Variants in RSRP1 observed in about 807,000 individuals in gnomAD.
RSRP1 encodes arginine and serine rich protein 1, also known as arginine/serine-rich protein 1.
A neutral mutation model predicts 33.0 loss-of-function variants in RSRP1; 37 were observed. That is an observed-to-expected ratio of 1.12 (90% CI 0.86 to 1.48). RSRP1 has a LOEUF of 1.48. Among genes scored for constraint, RSRP1 ranks in the 40% most tolerant of loss-of-function variants. The probability of loss-of-function intolerance (pLI) is 0.00; values close to 1 mark genes in which losing one functional copy is unlikely to be tolerated. For missense variants in RSRP1, 402 were observed against 385.3 expected (o/e 1.04, Z -0.36); for synonymous variants, 167 against 158.7 (o/e 1.05, Z -0.40).
At chr1:25,274,917 C>T (rs1640817051) in intron 1 of RSRP1, among the ~76,000 whole-genome samples, 2 of 131,526 alleles carry the variant, frequency 1.5e-5, no homozygotes, top group Admixed American at 1.5e-4. Context: ...CATTACACTC[C>T]AGCCTGGGCG....
At chr1:25,270,009 A>T (rs1180993897) in intron 1 of RSRP1, among the ~76,000 whole-genome samples, 1 of 132,336 alleles carries the variant, frequency 7.6e-6, no homozygotes, top group Non-Finnish European at 1.8e-5. Flanking sequence ...TCGGGCAGGT[A>T]GGTGCAGTTG....
chr1:25,254,539 G>A (rs947941302), intron 1 of RSRP1, among the ~76,000 whole-genome samples: 2 of 152,234 alleles, frequency 1.3e-5, no homozygotes, highest in South Asian at 2.1e-4. Flanking sequence ...CAGTTCAAGC[G>A]ATTCTCCTGC....
intron 1 of RSRP1, among the ~76,000 whole-genome samples, chr1:25,310,257 G>A (rs1325238520): frequency 1.5e-5 from 2 of 133,252 alleles, no homozygotes; most frequent in African/African-American, 5.1e-5. Context: ...ATGGTTTTTG[G>A]AGGAAGGGCC....
At chr1:25,266,691 CTT>C (rs1640321360) in intron 1 of RSRP1, 1 of 139,664 alleles carries the variant, frequency 7.2e-6, no homozygotes. Flanking sequence ...GTGCGTATCT[CTT>C]AATGACAATT....
At position 25,274,157 on chromosome 1, in the gene RSRP1, A is replaced by G. The variant is rs577615973; in HGVS notation, c.-66-27128T>C. Among the ~76,000 whole-genome samples the G allele has an allele frequency of 3.0e-5, 4 of 132,412 alleles. 1 individual carries two copies. Among genetic ancestry groups the G allele is most frequent in the Non-Finnish European group, 5.4e-5 (3 of 55,878 alleles). 86.9% of individuals were successfully genotyped at this position (132,412 alleles called of 152,430 possible). A position where few individuals can be genotyped will look rare whatever the true frequency, so the allele number is the denominator to read the frequency against. On this transcript the variant is annotated intron_variant, in intron 1 of 1. Transcript: ENST00000561867. ...TACCAGGCACTATTCTACATGCTTT[A>G]CATTGAACCCTCACAATAACCCAAT...
rs1162586751 is a variant in RSRP1 at position 25,299,153 on chromosome 1, G to C, written c.-67+38825C>G. Among the ~76,000 whole-genome samples, 2 of 127,524 alleles carry C rather than the reference G, an allele frequency of 1.6e-5. 1 individual carries two copies. Among genetic ancestry groups the C allele is most frequent in the Non-Finnish European group, 3.7e-5 (2 of 54,232 alleles). 83.7% of individuals were successfully genotyped at this position (127,524 alleles called of 152,430 possible). A position where few individuals can be genotyped will look rare whatever the true frequency, so the allele number is the denominator to read the frequency against. On this transcript the variant is annotated intron_variant, in intron 1 of 1. Coordinates refer to the RSRP1 transcript ENST00000561867. ...TCCCAGCGCTTTGGGAGGCCAAGGCGGATGGATCACTTGAGGTCAGGAGTT... is the reference window on the plus strand; with the variant it reads ...TCCCAGCGCTTTGGGAGGCCAAGGCCGATGGATCACTTGAGGTCAGGAGTT...
At chr1:25,275,439 G>A (rs1640879916) in intron 1 of RSRP1, among the ~76,000 whole-genome samples, 1 of 132,236 alleles carries the variant, frequency 7.6e-6, no homozygotes, top group South Asian at 2.3e-4. Flanking sequence ...AGCCATGCCA[G>A]GGCTGGTGTT....
intron 1 of RSRP1, among the ~76,000 whole-genome samples, chr1:25,286,790 A>AAAAAAAC (rs1642050832): frequency 7.6e-6 from 1 of 132,378 alleles, no homozygotes; most frequent in Non-Finnish European, 1.8e-5. Flanking sequence ...CGTCTCAAAA[A>AAAAAAAC]AAAAAAACAA....
rs1643755809 is a variant in RSRP1, at chr1:25,305,606, T to C, written c.-67+32372A>G. 2.4e-5 allele frequency among the ~76,000 whole-genome samples: 3 copies of C among 125,938 alleles called. 1 individual carries two copies. Among genetic ancestry groups the C allele is most frequent in the African/African-American group, 8.3e-5 (3 of 36,282 alleles). 82.6% of individuals were successfully genotyped at this position (125,938 alleles called of 152,430 possible). On this transcript the variant is annotated intron_variant, in intron 1 of 1. Transcript: ENST00000561867. ...ATTTTGTTGTTGTTGTTGTTGTTGTTGTTGTTGTTGTTGAGACGGTGTCTC... is the reference window on the plus strand; with the variant it reads ...ATTTTGTTGTTGTTGTTGTTGTTGTCGTTGTTGTTGTTGAGACGGTGTCTC...
At position 25,246,555 on chromosome 1, in the gene RSRP1, GT is replaced by G; in HGVS notation, c.408del (p.Gln137SerfsTer34). 2 of 1,614,244 alleles carry G rather than the reference GT, an allele frequency of 1.2e-6. No homozygotes were observed. The highest frequency in any genetic ancestry group is 1.7e-6 in the Non-Finnish European group (2 of 1,180,052). On this transcript the variant is annotated frameshift_variant, in exon 2 of 5. Coordinates refer to ENST00000243189, the MANE Select transcript of RSRP1 (RefSeq NM_020317.5). LOFTEE classifies it high-confidence loss of function. ...GTGCGACCAAAGCCGTAGTAGCGCT[GT>G]CCCCGCGCGATCGCGTACGCCCTTC... ...YCGRAYAIAR[G>X]QRYYGFGRTV...
At chr1:25,248,815 C>T (rs1639671496), upstream of RSRP1, among the ~76,000 whole-genome samples, 1 of 152,160 alleles carries the variant, frequency 6.6e-6, no homozygotes, top group Admixed American at 6.6e-5. Context: ...CATCAGAAAC[C>T]TTTGCCGAAA....
intron 1 of RSRP1, chr1:25,272,777 A>T: frequency 3.0e-6 from 4 of 1,336,092 alleles, no homozygotes; most frequent in East Asian, 4.5e-5. Context: ...CCAGGGGCAC[A>T]GATGTTCCTT....
chr1:25,287,478 C>T (rs964827800), intron 1 of RSRP1, among the ~76,000 whole-genome samples: 28 of 135,206 alleles, frequency 2.1e-4, no homozygotes, highest in East Asian at 5.8e-4. Flanking sequence ...GACCGGTTCC[C>T]GTCAGGGCTG....
At chr1:25,284,033 C>T (rs1206785737) in intron 1 of RSRP1, among the ~76,000 whole-genome samples, 4 of 134,962 alleles carry the variant, frequency 3.0e-5, no homozygotes, top group Admixed American at 7.1e-5. Context: ...TCGCAGCAGG[C>T]GGCAAAGGGA....
At position 25,321,497 on chromosome 1, in the gene RSRP1, C is replaced by A. The variant is rs1295908202; in HGVS notation, c.-67+16481G>T. On this transcript the variant is annotated intron_variant, in intron 1 of 1. Transcript: ENST00000561867. The stretch of plus-strand genomic sequence containing the variant: ...CCAACATGGTGAAACTCCATCTCTA[C>A]TAAAAAAAAAAAAAAAAAAAAAATT... Among the ~76,000 whole-genome samples, 10 of 94,822 alleles carry A rather than the reference C, an allele frequency of 1.1e-4. 2 individuals are homozygous for A. Among genetic ancestry groups the A allele is most frequent in the African/African-American group, 2.8e-4 (8 of 28,402 alleles). The allele number at this position is 94,822 out of a possible 152,430, so 62.2% of individuals were successfully genotyped here.
Position 25,307,129 on chromosome 1 carries a change from T to C in RSRP1, c.-67+30849A>G, listed in dbSNP as rs1194691443. 4.5e-5 allele frequency among the ~76,000 whole-genome samples: 6 copies of C among 132,348 alleles called. 2 individuals carry two copies. Among genetic ancestry groups the C allele is most frequent in the African/African-American group, 1.6e-4 (6 of 38,450 alleles). 86.8% of individuals were successfully genotyped at this position (132,348 alleles called of 152,430 possible). On this transcript the variant is annotated intron_variant, in intron 1 of 1. Transcript: ENST00000561867. ...ACCTTTCTCAGCCTCAGTCGCCCCA[T>C]TGTAAATGGAGATAATGATACTATC...
upstream of RSRP1, chr1:25,247,458 G>A (rs192152974): frequency 2.6e-5 from 4 of 154,876 alleles, no homozygotes; most frequent in African/African-American, 9.6e-5. Flanking sequence ...GCGCACTGAG[G>A]GACTACGTTA....
Position 25,242,494 on chromosome 1 carries a change from C to A in RSRP1, c.*95G>T. On this transcript the variant is annotated 3_prime_UTR_variant, in exon 5 of 5. Coordinates refer to ENST00000243189, the MANE Select transcript of RSRP1 (RefSeq NM_020317.5). ...GTGTTGGTTTTTAAATGCACAAGTA[C>A]CCCTGAATGGCTCAAAGGGATGGGA... 1 of 719,872 alleles carries A rather than the reference C, an allele frequency of 1.4e-6. No homozygotes were observed. The highest frequency in any genetic ancestry group is 2.4e-6 in the Non-Finnish European group (1 of 416,962). 44.6% of individuals were successfully genotyped at this position (719,872 alleles called of 1,614,324 possible).
rs1282165146 is a variant in RSRP1 at position 25,306,970 on chromosome 1, C to G, written c.-67+31008G>C. The G allele has an allele frequency of 4.8e-5, 22 of 460,518 alleles. 3 individuals are homozygous for G. Among genetic ancestry groups the G allele is most frequent in the African/African-American group, 1.2e-4 (6 of 49,618 alleles). 28.5% of individuals were successfully genotyped at this position (460,518 alleles called of 1,614,324 possible). ...GCCACCTAGGTATAGACCAAAGACA[C>G]GAAATCTTTTGTGATCCCACAAACA... On this transcript the variant is annotated intron_variant, in intron 1 of 1. Transcript: ENST00000561867.
Sources: allele counts gnomAD v4.1 joint callset (sites outside exome capture counted in the v4.1 genomes callset), GRCh38; gene constraint gnomAD v4.1.1; transcripts MANE v1.5; gene names NCBI Gene and HGNC (gene_info 2026-07-23, HGNC 2026-07-21).